The following KCNH7 variants were observed in gnomAD, a reference collection of about 807,000 sequenced individuals.
The protein encoded by KCNH7 is potassium voltage-gated channel subfamily H member 7.
A neutral mutation model predicts 120.8 loss-of-function variants in KCNH7; 49 were observed. The observed-to-expected ratio is 0.41, with a 90% confidence interval of 0.32 to 0.51. KCNH7 has a LOEUF of 0.51. Ranked by LOEUF, KCNH7 falls within the 20% of genes least tolerant of loss-of-function variation. KCNH7 has a pLI of 0.38. For synonymous variants in KCNH7, 547 were observed against 516.1 expected (o/e 1.06, Z -0.81); for missense variants, 1,097 against 1,446.6 (o/e 0.76, Z 3.92).
intron 7 of KCNH7, among the ~76,000 whole-genome samples, chr2:162,440,534 G>A (rs1477683756): frequency 1.3e-5 from 2 of 151,874 alleles, no homozygotes; most frequent in Non-Finnish European, 1.5e-5. Context: ...CTAGTCCTTT[G>A]TTCAGCTTAA....
Position 162,446,405 on chromosome 2 carries a change from T to C in KCNH7, c.1167A>G (p.Lys389=). ...ACTTGTTGATGCGTGGTGTCTGCAG[T>C]TTGTATTCAGGTAGGACATCTGCTC... ...SLGADVLPEY[K]LQTPRINKFT... Residue 389 remains lysine (K), a synonymous_variant, in exon 7 of 16, where the codon AAA becomes AAG. Transcript: ENST00000332142. 4.3e-6 allele frequency: 7 copies of C among 1,613,038 alleles called. No individual in the cohort carries two copies. Among genetic ancestry groups the C allele is most frequent in the Non-Finnish European group, 5.9e-6 (7 of 1,179,388 alleles).
At chr2:162,418,336 C>T (rs1687599493) in intron 9 of KCNH7, among the ~76,000 whole-genome samples, 1 of 151,972 alleles carries the variant, frequency 6.6e-6, no homozygotes, top group Non-Finnish European at 1.5e-5. Flanking sequence ...TTTATTATAG[C>T]TGTATGATAT....
chr2:162,815,562 C>T (rs1684887725), intron 2 of KCNH7, among the ~76,000 whole-genome samples: 1 of 152,102 alleles, frequency 6.6e-6, no homozygotes, highest in Non-Finnish European at 1.5e-5. Context: ...ACAATAAAAC[C>T]TGGGTCAGGA....
chr2:162,717,248 T>A (rs965711017), intron 2 of KCNH7, among the ~76,000 whole-genome samples: 1 of 152,180 alleles, frequency 6.6e-6, no homozygotes, highest in African/African-American at 2.4e-5. Flanking sequence ...TAAAGTGCCA[T>A]GCATGTTATT....
chr2:162,750,756 A>T (rs1423022577), intron 2 of KCNH7, among the ~76,000 whole-genome samples: 1 of 152,116 alleles, frequency 6.6e-6, no homozygotes, highest in African/African-American at 2.4e-5. Context: ...TTTTGGGTGC[A>T]TGGAAGAATG....
chr2:162,426,531 T>C (rs914230548), intron 8 of KCNH7, among the ~76,000 whole-genome samples: 1 of 152,140 alleles, frequency 6.6e-6, no homozygotes, highest in African/African-American at 2.4e-5. Flanking sequence ...TTGCTTTAGT[T>C]TAGGTATTAT....
At chr2:162,490,514 G>C (rs1046676454) in intron 6 of KCNH7, among the ~76,000 whole-genome samples, 5 of 152,138 alleles carry the variant, frequency 3.3e-5, no homozygotes, top group African/African-American at 1.2e-4. Context: ...TGTCATTTTG[G>C]GAGCTCGCAC....
At chr2:162,503,907 G>A (rs549052963) in intron 6 of KCNH7, among the ~76,000 whole-genome samples, 8 of 152,010 alleles carry the variant, frequency 5.3e-5, no homozygotes, top group Non-Finnish European at 1.2e-4. Context: ...CCTAGTTCAA[G>A]TTGCAGTATT....
chr2:162,462,122 G>A (rs1481909357), intron 6 of KCNH7, among the ~76,000 whole-genome samples: 2 of 151,928 alleles, frequency 1.3e-5, no homozygotes, highest in African/African-American at 2.4e-5. Flanking sequence ...CAATTGCAAC[G>A]AATTAGTATG....
intron 2 of KCNH7, among the ~76,000 whole-genome samples, chr2:162,752,943 GA>G (rs1688629163): frequency 3.4e-4 from 34 of 98,944 alleles, no homozygotes; most frequent in Middle Eastern, 5.2e-3. Flanking sequence ...GAAAAGAAAA[GA>G]AAAGAAAAGA....
intron 2 of KCNH7, among the ~76,000 whole-genome samples, chr2:162,568,569 G>A (rs192054423): frequency 6.6e-6 from 1 of 152,064 alleles, no homozygotes; most frequent in African/African-American, 2.4e-5. Context: ...AAAGTTGAGT[G>A]ACATATTAAT....
intron 2 of KCNH7, chr2:162,784,786 T>G: frequency 6.6e-6 from 1 of 152,194 alleles, no homozygotes; most frequent in East Asian, 1.9e-4. Flanking sequence ...ATTCCCTTCC[T>G]TTCCTAAAGA....
At chr2:162,811,782 A>G (rs1000930398) in intron 2 of KCNH7, among the ~76,000 whole-genome samples, 2 of 152,132 alleles carry the variant, frequency 1.3e-5, no homozygotes, top group Non-Finnish European at 2.9e-5. Context: ...AGACTTCATG[A>G]TTAGAAGAAA....
chr2:162,627,446 C>T (rs1205213542), intron 2 of KCNH7, among the ~76,000 whole-genome samples: 1 of 152,144 alleles, frequency 6.6e-6, no homozygotes, highest in East Asian at 1.9e-4. Flanking sequence ...TGTTCCTAAA[C>T]ATGCATTCAG....
intron 2 of KCNH7, among the ~76,000 whole-genome samples, chr2:162,632,329 G>T (rs1314550377): frequency 6.6e-6 from 1 of 151,918 alleles, no homozygotes; most frequent in Admixed American, 6.6e-5. Flanking sequence ...CCTAGATGGA[G>T]AAAGCTGCAA....
intron 2 of KCNH7, among the ~76,000 whole-genome samples, chr2:162,733,023 C>T (rs1687779497): frequency 6.6e-6 from 1 of 152,180 alleles, no homozygotes; most frequent in Admixed American, 6.5e-5. Flanking sequence ...TATTTAGCAA[C>T]AGTGGGAGTC....
chr2:162,820,900 A>T (rs1056257766), intron 2 of KCNH7, among the ~76,000 whole-genome samples: 1 of 142,874 alleles, frequency 7.0e-6, no homozygotes, highest in Non-Finnish European at 1.6e-5. Context: ...TTTATATTAC[A>T]AATCTGAATT....
At chr2:162,746,276 G>A (rs1015509204) in intron 2 of KCNH7, among the ~76,000 whole-genome samples, 1 of 151,808 alleles carries the variant, frequency 6.6e-6, no homozygotes, top group Non-Finnish European at 1.5e-5. Context: ...ATAATGCTAC[G>A]GTAAAATTTA....
At chr2:162,387,052 T>C (rs915917219) in intron 12 of KCNH7, among the ~76,000 whole-genome samples, 11 of 150,956 alleles carry the variant, frequency 7.3e-5, no homozygotes, top group African/African-American at 2.7e-4. Context: ...AAATTTCAGG[T>C]AAAAGCAGAA....
Sources: gnomAD v4.1 joint callset for allele counts (sites outside exome capture counted in the v4.1 genomes callset) on GRCh38, gnomAD v4.1.1 for gene constraint, MANE v1.5 for transcripts, NCBI Gene and HGNC (gene_info 2026-07-23, HGNC 2026-07-21) for gene names.